The following FARSB variants were observed in gnomAD, a reference collection of about 807,000 sequenced individuals.
FARSB encodes phenylalanine--tRNA ligase beta subunit.
FARSB carries 40 observed loss-of-function variants against 69.6 expected under a neutral mutation model. The observed-to-expected ratio is 0.57, with a 90% CI of 0.45 to 0.75. The LOEUF (loss-of-function observed/expected upper bound fraction) is 0.75. Ranked by LOEUF, FARSB falls within the 30% of genes least tolerant of loss-of-function variation. FARSB has a pLI of 0.00. For synonymous variants in FARSB, 235 were observed against 247.2 expected (o/e 0.95, Z 0.46); for missense variants, 632 against 722.9 (o/e 0.87, Z 1.44).
rs751765158 is a variant in FARSB, at chr2:222,642,904, A to AT, written c.215dup (p.Tyr72Ter). Residue 72 changes from tyrosine (Y) to a stop codon, truncating the protein, a stop_gained and frameshift_variant, in exon 3 of 17, where the codon TAT (tyrosine) becomes TAAT (stop). Transcript: ENST00000281828. LOFTEE classifies it high-confidence loss of function. ...CCAATCCTTCCAGACACAGGAGATC[A>AT]TATCTATTGGCAGGGACGTCAATTT... ...LYKIDVPANR[Y>*]DLLCLEGLVR... The AT allele has an allele frequency of 9.1e-5, 147 of 1,613,076 alleles. No individual in the cohort carries two copies. Among genetic ancestry groups the AT allele is most frequent in the Non-Finnish European group, 1.1e-4 (134 of 1,179,240 alleles).
intron 2 of FARSB, among the ~76,000 whole-genome samples, chr2:222,644,803 C>T (rs952975744): frequency 2.0e-5 from 3 of 151,894 alleles, no homozygotes; most frequent in African/African-American, 7.3e-5. Context: ...TAAAATAGAA[C>T]AATTAAAATA....
intron 8 of FARSB, among the ~76,000 whole-genome samples, chr2:222,630,715 G>A (rs1484639640): frequency 5.3e-5 from 8 of 151,908 alleles, no homozygotes; most frequent in African/African-American, 1.9e-4. Context: ...TGACCTTATT[G>A]GAATATATGC....
chr2:222,594,551 C>T (rs955552815), intron 16 of FARSB, among the ~76,000 whole-genome samples: 1 of 151,832 alleles, frequency 6.6e-6, no homozygotes, highest in African/African-American at 2.4e-5. Flanking sequence ...CATAATAATA[C>T]ATATATACAG....
At chr2:222,603,799 T>C (rs1348928939) in intron 15 of FARSB, among the ~76,000 whole-genome samples, 2 of 150,644 alleles carry the variant, frequency 1.3e-5, no homozygotes, top group Non-Finnish European at 3.0e-5. Context: ...TTGACCAGAA[T>C]TAACTGACTG....
chr2:222,611,577 T>C (rs1690853348), intron 15 of FARSB, among the ~76,000 whole-genome samples: 1 of 152,074 alleles, frequency 6.6e-6, no homozygotes, highest in Non-Finnish European at 1.5e-5. Context: ...CCTCCCAAAG[T>C]GCTGGGATTA....
intron 2 of FARSB, chr2:222,644,514 T>C (rs1323361190): frequency 8.8e-6 from 4 of 454,898 alleles, no homozygotes; most frequent in South Asian, 1.6e-5. Flanking sequence ...ACTGTTTCAA[T>C]AGTGAAGAAA....
chr2:222,631,037 T>C (rs1662584544), intron 8 of FARSB, among the ~76,000 whole-genome samples: 1 of 152,202 alleles, frequency 6.6e-6, no homozygotes, highest in African/African-American at 2.4e-5. Context: ...AAAGAAGTCA[T>C]ATGTCATAGA....
chr2:222,652,577 T>C (rs529481539), intron 1 of FARSB, among the ~76,000 whole-genome samples: 1 of 152,320 alleles, frequency 6.6e-6, no homozygotes, highest in South Asian at 2.1e-4. Flanking sequence ...AGTAGTCCTA[T>C]GGAGAGGATA....
intron 1 of FARSB, among the ~76,000 whole-genome samples, chr2:222,654,258 A>G (rs1339073329): frequency 6.6e-6 from 1 of 152,226 alleles, no homozygotes; most frequent in East Asian, 1.9e-4. Flanking sequence ...ACATGATGTC[A>G]CAAGTGGAAA....
chr2:222,593,834 T>G (rs1014402684), intron 16 of FARSB, among the ~76,000 whole-genome samples: 2 of 152,002 alleles, frequency 1.3e-5, no homozygotes, highest in Admixed American at 1.3e-4. Flanking sequence ...CACTCCAGTC[T>G]GGGTGACAGA....
rs1366547200 is a variant in FARSB at position 222,567,238 on chromosome 2, T to G, written c.*4633A>C. 2 of 152,192 alleles carry G rather than the reference T, an allele frequency of 1.3e-5. No homozygotes were observed. The highest frequency in any genetic ancestry group is 2.9e-5 in the Non-Finnish European group (2 of 68,054). The allele number at this position is 152,192 out of a possible 1,614,324, so 9.4% of individuals were successfully genotyped here. ...CATGAATTTGTGGGGATACATTCAG[T>G]CCATAATAATATACATAAAGTTATT... On this transcript the variant is annotated 3_prime_UTR_variant, in exon 17 of 17. Transcript: ENST00000281828.
At position 222,569,875 on chromosome 2, in the gene FARSB, A is replaced by T. The variant is rs1689685523; in HGVS notation, c.*1996T>A. On this transcript the variant is annotated 3_prime_UTR_variant, in exon 17 of 17. Transcript: ENST00000281828. ...GTAACTACTATAAGTAACACTGTGA[A>T]CACTTGCATAAAAATCTTTGGCCAT... 6.6e-6 allele frequency among the ~76,000 whole-genome samples: 1 copy of T among 152,190 alleles called. No homozygotes were observed. The highest frequency in any genetic ancestry group is 1.5e-5 in the Non-Finnish European group (1 of 68,044).
At chr2:222,649,234 T>TACAAAAAAA (rs1691959605) in intron 1 of FARSB, among the ~76,000 whole-genome samples, 1 of 88,296 alleles carries the variant, frequency 1.1e-5, no homozygotes, top group Non-Finnish European at 2.1e-5. Context: ...CTCAAAAAAT[T>TACAAAAAAA]AAAAAAAAAA....
Position 222,604,787 on chromosome 2 carries a change from G to T in FARSB, c.1463-4704C>A, listed in dbSNP as rs540022861. 1.1e-4 allele frequency among the ~76,000 whole-genome samples: 16 copies of T among 141,968 alleles called. No individual in the cohort carries two copies. In the South Asian group the frequency reaches 3.3e-3, roughly 29 times the overall value. The allele number at this position is 141,968 out of a possible 152,430, so 93.1% of individuals were successfully genotyped here. A position where few individuals can be genotyped will look rare whatever the true frequency, so the allele number is the denominator to read the frequency against. The stretch of plus-strand genomic sequence containing the variant: ...AGGGTTTTACCATGTTGCCCAGGCT[G>T]GTCTCGAACTCCTGGGCTCAGGCAA... On this transcript the variant is annotated intron_variant, in intron 15 of 16. Coordinates refer to ENST00000281828, the MANE Select transcript of FARSB (RefSeq NM_005687.5).
Position 222,633,148 on chromosome 2 carries a change from G to A in FARSB, c.715+51C>T, listed in dbSNP as rs368719704. ...CTATTGAGAATTCTACAGAAATGCT[G>A]AAGATTAAAAGGAAACAGCAAAGAT... On this transcript the variant is annotated intron_variant, in intron 7 of 16. Transcript: ENST00000281828. 179 of 916,200 alleles carry A rather than the reference G, an allele frequency of 2.0e-4. No individual in the cohort carries two copies. In the African/African-American group the frequency reaches 2.8e-3, roughly 15 times the overall value. 56.8% of individuals were successfully genotyped at this position (916,200 alleles called of 1,614,324 possible).
At chr2:222,627,930 C>A (rs1182144210) in intron 10 of FARSB, among the ~76,000 whole-genome samples, 1 of 152,164 alleles carries the variant, frequency 6.6e-6, no homozygotes, top group Non-Finnish European at 1.5e-5. Flanking sequence ...TGAATGAGAA[C>A]CACGAAGTGA....
chr2:222,634,790 A>C (rs1691538024), intron 5 of FARSB, among the ~76,000 whole-genome samples: 1 of 152,228 alleles, frequency 6.6e-6, no homozygotes, highest in Non-Finnish European at 1.5e-5. Flanking sequence ...GAAATACATG[A>C]TTTCAGGAGC....
chr2:222,638,926 G>A (rs1193684995), intron 5 of FARSB, among the ~76,000 whole-genome samples: 1 of 152,180 alleles, frequency 6.6e-6, no homozygotes, highest in African/African-American at 2.4e-5. Context: ...TCATCAGTAA[G>A]TATACAGTTT....
chr2:222,582,650 C>T (rs182254948), intron 16 of FARSB, among the ~76,000 whole-genome samples: 7 of 152,144 alleles, frequency 4.6e-5, no homozygotes, highest in South Asian at 4.2e-4. Context: ...TAAATTCGGG[C>T]GCAGTGGCTC....
Sources: gnomAD v4.1 joint callset for allele counts (sites outside exome capture counted in the v4.1 genomes callset) on GRCh38, gnomAD v4.1.1 for gene constraint, MANE v1.5 for transcripts, NCBI Gene and HGNC (gene_info 2026-07-23, HGNC 2026-07-21) for gene names.